PRKCB: variants seen among roughly 807,000 people sequenced by gnomAD.
The protein encoded by PRKCB is protein kinase C beta, also known as protein kinase C beta type.
PRKCB carries 13 observed loss-of-function variants against 81.5 expected under a neutral mutation model. That is an observed-to-expected ratio of 0.16 (90% CI 0.10 to 0.25). The LOEUF is 0.25. Among genes scored for constraint, PRKCB ranks in the 10% least tolerant of loss-of-function variants. The pLI is 1.00. For synonymous variants in PRKCB, 335 were observed against 321.4 expected (o/e 1.04, Z -0.45); for missense variants, 509 against 875.7 (o/e 0.58, Z 5.29).
intron 5 of PRKCB, among the ~76,000 whole-genome samples, chr16:24,071,468 A>T (rs1292314516): frequency 1.3e-5 from 2 of 150,726 alleles, no homozygotes; most frequent in Non-Finnish European, 3.0e-5. Context: ...AAAAAGACAA[A>T]CAGGACTGGG....
intron 3 of PRKCB, among the ~76,000 whole-genome samples, chr16:24,007,185 C>T (rs1965136967): frequency 6.6e-6 from 1 of 152,176 alleles, no homozygotes; most frequent in Admixed American, 6.5e-5. Context: ...ATGGCACCCA[C>T]CTCATAGGGT....
chr16:24,210,870 A>T (rs937038633), intron 16 of PRKCB, among the ~76,000 whole-genome samples: 4 of 152,166 alleles, frequency 2.6e-5, no homozygotes, highest in Non-Finnish European at 4.4e-5. Context: ...TTACAGTTAC[A>T]GTCTCGTTTG....
At chr16:24,101,899 A>T (rs1018801630) in intron 7 of PRKCB, among the ~76,000 whole-genome samples, 4 of 152,212 alleles carry the variant, frequency 2.6e-5, no homozygotes, top group African/African-American at 9.7e-5. Flanking sequence ...CACTTAGATG[A>T]TCATTTAATT....
chr16:23,841,649 CTTTTTTTTTTTT>C (rs59288831), intron 2 of PRKCB, among the ~76,000 whole-genome samples: 4 of 59,046 alleles, frequency 6.8e-5, no homozygotes, highest in Non-Finnish European at 1.2e-4. Flanking sequence ...CACCACGGCC[CTTTTTTTTTTTT>C]TTTTTTTTTT....
Position 24,215,200 on chromosome 16 carries a change from C to T in PRKCB, c.*384C>T, listed in dbSNP as rs144672987. ...TAATTGGATGTTAGCGGTACTCTTC[C>T]ACTTCCGGGCCTGGAGCTTGGCTTG... On this transcript the variant is annotated 3_prime_UTR_variant, in exon 17 of 17. Transcript: ENST00000643927. 17 of 1,011,402 alleles carry T rather than the reference C, an allele frequency of 1.7e-5. No homozygotes were observed. The African/African-American group carries it at 2.7e-4, about 16-fold the overall frequency. The allele number at this position is 1,011,402 out of a possible 1,614,324, so 62.7% of individuals were successfully genotyped here.
At chr16:23,848,780 A>G (rs1381630406) in intron 2 of PRKCB, among the ~76,000 whole-genome samples, 1 of 152,206 alleles carries the variant, frequency 6.6e-6, no homozygotes, top group Non-Finnish European at 1.5e-5. Flanking sequence ...TCATAGCTAA[A>G]AGGATATAAT....
intron 2 of PRKCB, among the ~76,000 whole-genome samples, chr16:23,974,002 T>C (rs763593234): frequency 3.3e-5 from 5 of 152,142 alleles, no homozygotes; most frequent in Non-Finnish European, 7.4e-5. Context: ...ATCTGAAGGA[T>C]GATAGGAGTT....
chr16:23,886,735 C>A lies in PRKCB; in HGVS notation c.205+49329C>A, dbSNP rs1303928033. On this transcript the variant is annotated intron_variant, in intron 2 of 16. Transcript: ENST00000643927. The stretch of plus-strand genomic sequence containing the variant: ...GCCGTGTTATGAGTTGAACAGATTT[C>A]TTGGCTTCAGCAGGGGCTCAGTATG... 3.3e-5 allele frequency among the ~76,000 whole-genome samples: 5 copies of A among 152,112 alleles called. No individual in the cohort carries two copies. The East Asian group carries it at 9.6e-4, about 29-fold the overall frequency.
At chr16:23,901,076 A>G (rs1162031834) in intron 2 of PRKCB, among the ~76,000 whole-genome samples, 1 of 152,098 alleles carries the variant, frequency 6.6e-6, no homozygotes, top group Non-Finnish European at 1.5e-5. Context: ...ACACTGGAAC[A>G]GCTCTCTCTA....
intron 3 of PRKCB, among the ~76,000 whole-genome samples, chr16:24,023,254 T>C (rs945863336): frequency 3.9e-5 from 6 of 152,046 alleles, no homozygotes; most frequent in Admixed American, 1.3e-4. Flanking sequence ...CCAAACCCCA[T>C]AGAGGGAGTG....
chr16:24,198,659 A>G (rs1288932046), intron 16 of PRKCB, among the ~76,000 whole-genome samples: 1 of 152,196 alleles, frequency 6.6e-6, no homozygotes, highest in Admixed American at 6.5e-5. Context: ...CTTAAGCGCT[A>G]AAGTGTGTGT....
intron 10 of PRKCB, among the ~76,000 whole-genome samples, chr16:24,164,240 G>C (rs1967307756): frequency 6.6e-6 from 1 of 152,092 alleles, no homozygotes; most frequent in South Asian, 2.1e-4. Context: ...GCTTCCTCTG[G>C]AGACCTCCAG....
intron 5 of PRKCB, among the ~76,000 whole-genome samples, chr16:24,091,553 C>T (rs1156344059): frequency 6.6e-6 from 1 of 152,166 alleles, no homozygotes; most frequent in Non-Finnish European, 1.5e-5. Context: ...TAGTCTCCCT[C>T]ATCCTTTCTA....
chr16:24,038,002 G>A (rs1339162995), intron 5 of PRKCB, among the ~76,000 whole-genome samples: 3 of 151,966 alleles, frequency 2.0e-5, no homozygotes, highest in African/African-American at 7.2e-5. Context: ...GCAACATGTC[G>A]AAACATCATC....
chr16:24,198,281 C>T (rs887497187), intron 16 of PRKCB, among the ~76,000 whole-genome samples: 9 of 152,164 alleles, frequency 5.9e-5, no homozygotes, highest in Non-Finnish European at 8.8e-5. Context: ...TGTATTGTCA[C>T]GAATTGGCTT....
intron 2 of PRKCB, among the ~76,000 whole-genome samples, chr16:23,888,656 A>T (rs1438121117): frequency 1.3e-5 from 2 of 148,292 alleles, no homozygotes; most frequent in Non-Finnish European, 2.9e-5. Context: ...TCCCTCTGCC[A>T]CCCTCGTCAT....
intron 2 of PRKCB, among the ~76,000 whole-genome samples, chr16:23,933,371 G>T (rs1287205706): frequency 6.6e-6 from 1 of 152,020 alleles, no homozygotes; most frequent in Non-Finnish European, 1.5e-5. Flanking sequence ...TATTATTTTG[G>T]GGATGATATT....
At chr16:23,971,386 A>G (rs1465323867) in intron 2 of PRKCB, among the ~76,000 whole-genome samples, 1 of 152,052 alleles carries the variant, frequency 6.6e-6, no homozygotes, top group Non-Finnish European at 1.5e-5. Context: ...TTGAGGACGG[A>G]TGGTGTGATG....
chr16:23,836,073 G>A lies in PRKCB; in HGVS notation c.-103G>A. 1 of 863,720 alleles carries A rather than the reference G, an allele frequency of 1.2e-6. No homozygotes were observed. The highest frequency in any genetic ancestry group is 1.4e-6 in the Non-Finnish European group (1 of 718,400). The allele number at this position is 863,720 out of a possible 1,614,324, so 53.5% of individuals were successfully genotyped here. A position where few individuals can be genotyped will look rare whatever the true frequency, so the allele number is the denominator to read the frequency against. The stretch of plus-strand genomic sequence containing the variant: ...CGCAGGGGAAGCGCCCGCGGCCCCG[G>A]GTGCAGCAGCGGCCGCCGCCTCCCG... On this transcript the variant is annotated 5_prime_UTR_variant, in exon 1 of 17. Transcript: ENST00000643927.
Sources: gnomAD v4.1 joint callset for allele counts (sites outside exome capture counted in the v4.1 genomes callset) on GRCh38, gnomAD v4.1.1 for gene constraint, MANE v1.5 for transcripts, NCBI Gene and HGNC (gene_info 2026-07-23, HGNC 2026-07-21) for gene names.